PTPRA: variants seen among roughly 807,000 people sequenced by gnomAD.
PTPRA encodes the protein protein tyrosine phosphatase receptor type A.
A neutral mutation model predicts 104.8 loss-of-function variants in PTPRA; 25 were observed. The ratio of observed to expected loss-of-function variants is 0.24; its 90% CI spans 0.17 to 0.33. The LOEUF is 0.33. PTPRA is among the 10% of genes least tolerant of loss of function. The pLI is 1.00. For missense variants in PTPRA, 765 were observed against 1,015.3 expected (o/e 0.75, Z 3.35); for synonymous variants, 323 against 368.9 (o/e 0.88, Z 1.43).
chr20:3,032,504 A>C (rs1404302643), intron 20 of PTPRA, among the ~76,000 whole-genome samples: 1 of 152,112 alleles, frequency 6.6e-6, no homozygotes, highest in Non-Finnish European at 1.5e-5. Context: ...GCGGTGGCTC[A>C]CGCCTGTAAT....
At chr20:3,023,033 T>C (rs956795683) in intron 16 of PTPRA, among the ~76,000 whole-genome samples, 11 of 152,152 alleles carry the variant, frequency 7.2e-5, no homozygotes, top group African/African-American at 9.7e-5. Flanking sequence ...CTAAGAAAAA[T>C]TCTTCTGCCT....
chr20:3,000,994 G>GA (rs1260497808), intron 9 of PTPRA, among the ~76,000 whole-genome samples: 3 of 151,688 alleles, frequency 2.0e-5, no homozygotes, highest in Non-Finnish European at 4.4e-5. Flanking sequence ...CAACAAATGT[G>GA]AAAAAAAAAT....
intron 5 of PTPRA, among the ~76,000 whole-genome samples, chr20:2,966,784 T>C (rs1328180809): frequency 6.6e-6 from 1 of 152,250 alleles, no homozygotes; most frequent in African/African-American, 2.4e-5. Flanking sequence ...GAAATCACTT[T>C]AGCAGGCCAC....
rs150766876 is a variant in PTPRA, at chr20:2,900,093, G to C, written c.-128-23114G>C. Among the ~76,000 whole-genome samples, 374 of 151,970 alleles carry C rather than the reference G, an allele frequency of 2.5e-3. 2 individuals carry two copies. In the South Asian group the frequency reaches 0.026, roughly 11 times the overall value. On this transcript the variant is annotated intron_variant, in intron 1 of 23. Coordinates refer to ENST00000399903, the MANE Select transcript of PTPRA (RefSeq NM_001385305.1). ...CCACTGCACTCTAGCCTGGGCGACA[G>C]AGTGAGACTCCATCTCAAAAACAAA...
In PTPRA at chr20:2,914,445, CTGTGTGTGTGTGTG is replaced by C. The variant is rs35272226; in HGVS notation, c.-128-8740_-128-8727del. Among the ~76,000 whole-genome samples, 174 of 145,718 alleles carry C rather than the reference CTGTGTGTGTGTGTG, an allele frequency of 1.2e-3. No homozygotes were observed. The Middle Eastern group carries it at 0.021, about 17-fold the overall frequency. ...TAGACTCATTTTTTTATTTCTTGCT[CTGTGTGTGTGTGTG>C]TGTGTGTGTGTGTGTGTGTGTACTG... On this transcript the variant is annotated intron_variant, in intron 1 of 23. Coordinates refer to ENST00000399903, the MANE Select transcript of PTPRA (RefSeq NM_001385305.1).
At chr20:2,877,157 TGA>T (rs1255410124) in intron 1 of PTPRA, among the ~76,000 whole-genome samples, 1 of 152,230 alleles carries the variant, frequency 6.6e-6, no homozygotes, top group Non-Finnish European at 1.5e-5. Context: ...GTTTGAGTTA[TGA>T]GAGGGAAACT....
In PTPRA at chr20:2,971,717, G is replaced by A. The variant is rs1359669999; in HGVS notation, c.416-3498G>A. Among the ~76,000 whole-genome samples the A allele has an allele frequency of 3.9e-5, 6 of 152,164 alleles. No individual in the cohort carries two copies. The East Asian group carries it at 9.6e-4, about 24-fold the overall frequency. ...TTTTATTGTGTTCAGGATTTAATGA[G>A]CGTTTATGTTAGGAATGGGTGTTAA... is the stretch of plus-strand genomic sequence containing the variant. On this transcript the variant is annotated intron_variant, in intron 5 of 23. Coordinates refer to ENST00000399903, the MANE Select transcript of PTPRA (RefSeq NM_001385305.1).
intron 1 of PTPRA, among the ~76,000 whole-genome samples, chr20:2,919,696 G>A (rs1016706365): frequency 9.1e-6 from 1 of 110,450 alleles, no homozygotes; most frequent in African/African-American, 5.3e-5. Flanking sequence ...CTTACTCTCA[G>A]CTGGGGGAGG....
intron 7 of PTPRA, 133 bp from the exon 8 acceptor site, chr20:2,987,899 C>T (rs771358157): frequency 1.2e-6 from 1 of 859,358 alleles, no homozygotes. Context: ...GTGTGCATGA[C>T]CTGTCTCTAA....
chr20:2,902,119 A>T (rs1600086513), intron 1 of PTPRA, among the ~76,000 whole-genome samples: 1 of 152,044 alleles, frequency 6.6e-6, no homozygotes. Flanking sequence ...TCCTGACCTC[A>T]GGTGATGCAC....
intron 5 of PTPRA, among the ~76,000 whole-genome samples, chr20:2,967,601 CTGTAA>C (rs2061993103): frequency 6.6e-6 from 1 of 152,142 alleles, no homozygotes; most frequent in African/African-American, 2.4e-5. Context: ...TGGCTAACAC[CTGTAA>C]TCCCAGCACT....
chr20:3,027,125 A>G lies in PTPRA; in HGVS notation c.1713A>G (p.Glu571=). The change falls in exon 19 of 24, where the codon GAA becomes GAG. Residue 571 remains glutamate (E), a synonymous_variant. Coordinates refer to ENST00000399903, the MANE Select transcript of PTPRA (RefSeq NM_001385305.1). ...AAGCCGCTATTCTTCTTACAGATGAATTCAACAGAGTGATCATTCCAGTTA... is the reference window on the plus strand; with the variant it reads ...AAGCCGCTATTCTTCTTACAGATGAGTTCAACAGAGTGATCATTCCAGTTA... ...KNRVLQIIPY[E]FNRVIIPVKR... The G allele has an allele frequency of 6.2e-7, 1 of 1,614,070 alleles. No individual in the cohort carries two copies. The highest frequency in any genetic ancestry group is 8.5e-7 in the Non-Finnish European group (1 of 1,179,896).
At chr20:2,982,784 C>T (rs2062740748) in intron 6 of PTPRA, among the ~76,000 whole-genome samples, 1 of 151,858 alleles carries the variant, frequency 6.6e-6, no homozygotes, top group Non-Finnish European at 1.5e-5. Flanking sequence ...ACAACCTCTG[C>T]CCCCCAGGTT....
In PTPRA at chr20:3,035,483, TA is replaced by T; in HGVS notation, c.1921-100del. The T allele has an allele frequency of 7.4e-7, 1 of 1,356,568 alleles. No homozygotes were observed. Among genetic ancestry groups the T allele is most frequent in the Non-Finnish European group, 1.0e-6 (1 of 978,568 alleles). 84.0% of individuals were successfully genotyped at this position (1,356,568 alleles called of 1,614,324 possible). A position where few individuals can be genotyped will look rare whatever the true frequency, so the allele number is the denominator to read the frequency against. ...ACCTTGGGGACGAAGCGTATCAGCG[TA>T]AGAGGTGGCTGTACTGAGAGGGGTC... On this transcript the variant is annotated intron_variant, in intron 20 of 23. Transcript: ENST00000399903. This position sits in a 1 kb window ranked among gnomAD's most constrained non-coding sequence, Gnocchi z 5.8.
In PTPRA at chr20:3,028,393, G is replaced by T. The variant is rs147233276; in HGVS notation, c.1920+552G>T. 1.2e-3 allele frequency among the ~76,000 whole-genome samples: 186 copies of T among 152,282 alleles called. 1 individual carries two copies. The highest frequency in any genetic ancestry group is 3.9e-3 in the African/African-American group (162 of 41,572). The stretch of plus-strand genomic sequence containing the variant: ...ATCTTTTAAAGAAAAAAGCCCTCAG[G>T]TCTATTAAAAAGCAGAGCTGTCCGG... On this transcript the variant is annotated intron_variant, in intron 20 of 23. Coordinates refer to ENST00000399903, the MANE Select transcript of PTPRA (RefSeq NM_001385305.1).
chr20:3,009,498 A>T (rs2064053881), intron 11 of PTPRA, among the ~76,000 whole-genome samples: 1 of 152,146 alleles, frequency 6.6e-6, no homozygotes. Context: ...AAAGAACAGG[A>T]GGTTGTGTCC....
chr20:2,928,101 T>A (rs1332161117), intron 2 of PTPRA, among the ~76,000 whole-genome samples: 2 of 152,262 alleles, frequency 1.3e-5, no homozygotes, highest in African/African-American at 4.8e-5. Flanking sequence ...AAATTTTGAC[T>A]CTTTCTGGTA....
chr20:2,944,053 T>TTA lies in PTPRA; in HGVS notation c.-49-3928_-49-3927insAT, dbSNP rs566984356. On this transcript the variant is annotated intron_variant, in intron 2 of 23. Coordinates refer to ENST00000399903, the MANE Select transcript of PTPRA (RefSeq NM_001385305.1). ...CCTCTACTGGTCTTTTTTTTTTTTT[T>TTA]TTTTTTAGACAGGGTCTCACTCTGC... Among the ~76,000 whole-genome samples, 349 of 150,798 alleles carry TTA rather than the reference T, an allele frequency of 2.3e-3. 3 individuals carry two copies. The South Asian group carries it at 0.027, about 12-fold the overall frequency.
intron 1 of PTPRA, among the ~76,000 whole-genome samples, chr20:2,879,970 A>AT (rs973875805): frequency 1.3e-5 from 2 of 152,318 alleles, no homozygotes; most frequent in South Asian, 2.1e-4. Context: ...CTGTATATAT[A>AT]TTTTAACTCC....
Sources: allele counts gnomAD v4.1 joint callset (sites outside exome capture counted in the v4.1 genomes callset), GRCh38; gene constraint gnomAD v4.1.1; non-coding constraint Gnocchi (gnomAD v3.1); transcripts MANE v1.5; gene names NCBI Gene and HGNC (gene_info 2026-07-23, HGNC 2026-07-21).